Variants in KSR2 observed in about 807,000 individuals in gnomAD.
KSR2 encodes kinase suppressor of ras 2.
Under a neutral mutation model 107.8 loss-of-function variants are expected in KSR2, and 25 were observed. The ratio of observed to expected loss-of-function variants is 0.23; its 90% CI spans 0.17 to 0.32. The LOEUF (loss-of-function observed/expected upper bound fraction) is 0.32. Among genes scored for constraint, KSR2 ranks in the 10% least tolerant of loss-of-function variants. KSR2 has a pLI of 1.00. For missense variants in KSR2, 887 were observed against 1,268.9 expected (o/e 0.70, Z 4.57); for synonymous variants, 480 against 507.0 (o/e 0.95, Z 0.71).
chr12:117,539,460 CCT>C, intron 10 of KSR2: 1 of 435,866 alleles, frequency 2.3e-6, no homozygotes. Flanking sequence ...CCTCTTTGAG[CCT>C]CTGTTTCTTC....
intron 4 of KSR2, among the ~76,000 whole-genome samples, chr12:117,731,327 AGAAG>A (rs1565984161): frequency 0.027 from 3,335 of 122,776 alleles, 263 homozygotes; most frequent in African/African-American, 0.051. Flanking sequence ...GCCCCGTCTG[AGAAG>A]TGAGGAGCCC....
intron 4 of KSR2, among the ~76,000 whole-genome samples, chr12:117,742,074 AC>A (rs550696440): frequency 6.6e-6 from 1 of 152,208 alleles, no homozygotes; most frequent in Admixed American, 6.5e-5. Flanking sequence ...CACTGAGAAC[AC>A]CACTTCGCTT....
intron 4 of KSR2, among the ~76,000 whole-genome samples, chr12:117,719,054 G>A (rs1887108163): frequency 6.6e-6 from 1 of 152,192 alleles, no homozygotes; most frequent in Non-Finnish European, 1.5e-5. Flanking sequence ...ACTATGCAAA[G>A]CTATGGCCTG....
intron 1 of KSR2, among the ~76,000 whole-genome samples, chr12:117,876,120 G>T (rs1285107150): frequency 6.6e-6 from 1 of 152,164 alleles, no homozygotes; most frequent in Non-Finnish European, 1.5e-5. Context: ...AGCAGACCCC[G>T]TGCGGGTAAT....
chr12:117,483,187 G>A (rs1275215385), intron 16 of KSR2, among the ~76,000 whole-genome samples: 4 of 152,092 alleles, frequency 2.6e-5, no homozygotes, highest in African/African-American at 9.7e-5. Context: ...GTAGACTATG[G>A]TTAATCTTTC....
intron 14 of KSR2, among the ~76,000 whole-genome samples, chr12:117,498,788 CT>C (rs966202958): frequency 1.3e-5 from 2 of 152,148 alleles, no homozygotes; most frequent in African/African-American, 4.8e-5. Context: ...GGGAGTTTCC[CT>C]GCGCAAGTTT....
At chr12:117,632,899 A>G (rs1159405613) in intron 5 of KSR2, among the ~76,000 whole-genome samples, 3 of 152,182 alleles carry the variant, frequency 2.0e-5, no homozygotes, top group African/African-American at 7.2e-5. Flanking sequence ...GTAGTGTTCC[A>G]TGGCGTACAT....
At chr12:117,872,423 G>C (rs1232012396) in intron 1 of KSR2, among the ~76,000 whole-genome samples, 1 of 152,134 alleles carries the variant, frequency 6.6e-6, no homozygotes, top group East Asian at 1.9e-4. Flanking sequence ...AATTAGTAAG[G>C]CATGGTGCTG....
At chr12:117,911,202 A>ACTG (rs1405406661) in intron 1 of KSR2, among the ~76,000 whole-genome samples, 1,568 of 146,260 alleles carry the variant, frequency 0.011, 26 homozygotes, top group African/African-American at 0.038. Flanking sequence ...ACACACACTC[A>ACTG]AGAAACAAGA....
In KSR2 at chr12:117,897,141, G is replaced by GT. The variant is rs1036561575; in HGVS notation, c.181-36711dup. Among the ~76,000 whole-genome samples, 20 of 152,284 alleles carry GT rather than the reference G, an allele frequency of 1.3e-4. No homozygotes were observed. The highest frequency in any genetic ancestry group is 4.3e-4 in the African/African-American group (18 of 41,556). On this transcript the variant is annotated intron_variant, in intron 1 of 19. Coordinates refer to ENST00000339824, the MANE Select transcript of KSR2 (RefSeq NM_173598.6). The surrounding 1 kb of genome is among the most constrained non-coding windows in gnomAD (Gnocchi z 4.5). Reference sequence around the variant, plus strand: ...CTTGAGGGAGTAGCGGAGCAGCCACGTGTTCGTCATCAGGAATTATTGTTT... The same window carrying GT: ...CTTGAGGGAGTAGCGGAGCAGCCACGTTGTTCGTCATCAGGAATTATTGTTT...
Position 117,968,896 on chromosome 12 carries a change from C to T in KSR2, c.-641G>A, listed in dbSNP as rs80188500. On this transcript the variant is annotated 5_prime_UTR_variant, in exon 1 of 20. Coordinates refer to ENST00000339824, the MANE Select transcript of KSR2 (RefSeq NM_173598.6). ...TGGCTGCTGTCTCCTCCCCGCGCTG[C>T]TGCTGCTGCTGCTGCTGCCGCCGCC... The T allele has an allele frequency of 5.0e-3, 1,240 of 249,652 alleles. 20 individuals carry two copies. Among genetic ancestry groups the T allele is most frequent in the African/African-American group, 0.028 (1,171 of 42,548 alleles). 15.5% of individuals were successfully genotyped at this position (249,652 alleles called of 1,614,324 possible).
chr12:117,673,679 G>A (rs1319513982), intron 4 of KSR2, among the ~76,000 whole-genome samples: 2 of 151,280 alleles, frequency 1.3e-5, no homozygotes, highest in East Asian at 3.9e-4. Flanking sequence ...CCAAGGCATG[G>A]TCAGGGGGAA....
chr12:117,827,086 T>A lies in KSR2; in HGVS notation c.472+28342A>T, dbSNP rs77150826. Among the ~76,000 whole-genome samples, 891 of 150,844 alleles carry A rather than the reference T, an allele frequency of 5.9e-3. 12 individuals are homozygous for A. The highest frequency in any genetic ancestry group is 0.02 in the African/African-American group (826 of 40,942). On this transcript the variant is annotated intron_variant, in intron 3 of 19. Transcript: ENST00000339824. Reference sequence around the variant, plus strand: ...CATCGTGGGCAGTAGCTCTCTTTTATAGATGTGTTCTTGGGATTTCTGAGC... The same window carrying A: ...CATCGTGGGCAGTAGCTCTCTTTTAAAGATGTGTTCTTGGGATTTCTGAGC...
chr12:117,833,130 G>A (rs762778978), intron 3 of KSR2, among the ~76,000 whole-genome samples: 6 of 152,184 alleles, frequency 3.9e-5, no homozygotes, highest in East Asian at 1.9e-4. Context: ...CAAGCTGTGC[G>A]GCCTTTGCTA....
intron 1 of KSR2, among the ~76,000 whole-genome samples, chr12:117,914,847 G>A (rs1393734601): frequency 2.6e-5 from 4 of 152,160 alleles, no homozygotes; most frequent in African/African-American, 9.7e-5. Context: ...ATCAATTTTT[G>A]TATGCATAAG....
chr12:117,713,187 T>C (rs981663450), intron 4 of KSR2, among the ~76,000 whole-genome samples: 5 of 151,454 alleles, frequency 3.3e-5, no homozygotes, highest in Admixed American at 2.6e-4. Context: ...TGGATAGTTA[T>C]AGATATGTCT....
chr12:117,962,826 T>C (rs1896695448), intron 1 of KSR2, among the ~76,000 whole-genome samples: 1 of 152,040 alleles, frequency 6.6e-6, no homozygotes, highest in Admixed American at 6.6e-5. Flanking sequence ...AGAAAAATAT[T>C]CATGACATGC....
intron 1 of KSR2, among the ~76,000 whole-genome samples, chr12:117,887,087 C>A (rs995979063): frequency 6.6e-6 from 1 of 152,046 alleles, no homozygotes; most frequent in South Asian, 2.1e-4. Context: ...CCACACCGGG[C>A]TAAATTTTTT....
intron 5 of KSR2, among the ~76,000 whole-genome samples, chr12:117,613,712 G>T (rs1432155904): frequency 6.6e-6 from 1 of 152,196 alleles, no homozygotes; most frequent in Admixed American, 6.5e-5. Flanking sequence ...TATTCTTGAA[G>T]CATGGTTTCT....
Sources: gnomAD v4.1 joint callset for allele counts (sites outside exome capture counted in the v4.1 genomes callset) on GRCh38, gnomAD v4.1.1 for gene constraint, Gnocchi (gnomAD v3.1) non-coding constraint, MANE v1.5 for transcripts, NCBI Gene and HGNC (gene_info 2026-07-23, HGNC 2026-07-21) for gene names.